Variants in GSK3B observed in about 807,000 individuals in gnomAD.
GSK3B encodes the protein glycogen synthase kinase-3 beta.
Under a neutral mutation model 56.4 loss-of-function variants are expected in GSK3B, and 15 were observed. The observed-to-expected ratio is 0.27, with a 90% CI of 0.18 to 0.41. The LOEUF is 0.41. GSK3B is among the 10% of genes least tolerant of loss of function. The probability of loss-of-function intolerance (pLI) is 1.00; values close to 1 mark genes in which losing one functional copy is unlikely to be tolerated. For missense variants in GSK3B, 300 were observed against 513.4 expected, an observed-to-expected ratio of 0.58 and a Z score of 4.02; for synonymous variants, 181 against 188.9, an observed-to-expected ratio of 0.96 and a Z score of 0.34.
chr3:119,989,767 C>T (rs1399231943), intron 2 of GSK3B, among the ~76,000 whole-genome samples: 2 of 152,070 alleles, frequency 1.3e-5, no homozygotes, highest in Non-Finnish European at 2.9e-5. Flanking sequence ...TAATAATATG[C>T]CTGGGACTAA....
intron 2 of GSK3B, among the ~76,000 whole-genome samples, chr3:119,951,832 C>T (rs1245929339): frequency 6.6e-6 from 1 of 151,264 alleles, no homozygotes; most frequent in Non-Finnish European, 1.5e-5. Context: ...GACAATTGCA[C>T]AACACAGAGA....
At chr3:120,082,376 T>C (rs1375996419) in intron 1 of GSK3B, among the ~76,000 whole-genome samples, 8 of 146,580 alleles carry the variant, frequency 5.5e-5, no homozygotes, top group Non-Finnish European at 8.9e-5. Context: ...TAGCCCAAAT[T>C]AGTATGTTCT....
chr3:119,842,262 C>T (rs1427152937), intron 10 of GSK3B, among the ~76,000 whole-genome samples: 3 of 152,100 alleles, frequency 2.0e-5, no homozygotes, highest in Non-Finnish European at 4.4e-5. Context: ...AAATCAGGCC[C>T]CACCATTAGC....
At chr3:120,031,606 A>C (rs911115683) in intron 1 of GSK3B, among the ~76,000 whole-genome samples, 2 of 152,218 alleles carry the variant, frequency 1.3e-5, no homozygotes, top group African/African-American at 4.8e-5. Flanking sequence ...GAAAACACTT[A>C]ACAACAAGCA....
At chr3:119,930,251 A>G (rs2056932801) in intron 3 of GSK3B, among the ~76,000 whole-genome samples, 1 of 152,196 alleles carries the variant, frequency 6.6e-6, no homozygotes, top group African/African-American at 2.4e-5. Flanking sequence ...CCTTGTCTCA[A>G]TATTTTTATA....
At chr3:119,882,717 T>C (rs1379979591) in intron 7 of GSK3B, among the ~76,000 whole-genome samples, 4 of 152,212 alleles carry the variant, frequency 2.6e-5, no homozygotes, top group Non-Finnish European at 5.9e-5. Flanking sequence ...CTTTGATGAA[T>C]AGTGATGATA....
intron 8 of GSK3B, among the ~76,000 whole-genome samples, chr3:119,870,604 T>C (rs1325056778): frequency 6.6e-6 from 1 of 151,994 alleles, no homozygotes; most frequent in Non-Finnish European, 1.5e-5. Flanking sequence ...CAAATAAAAA[T>C]ATATAGCCAG....
At chr3:119,912,965 C>G (rs1316729981) in intron 5 of GSK3B, among the ~76,000 whole-genome samples, 155 bp from the exon 6 acceptor site, 1 of 152,080 alleles carries the variant, frequency 6.6e-6, no homozygotes, top group African/African-American at 2.4e-5. Context: ...GTAACTATCT[C>G]TAATAAAAGA....
intron 1 of GSK3B, among the ~76,000 whole-genome samples, chr3:120,009,759 A>G (rs1388959990): frequency 6.6e-6 from 1 of 152,104 alleles, no homozygotes; most frequent in African/African-American, 2.4e-5. Flanking sequence ...TGATGGGTGC[A>G]GCAAACCACC....
At chr3:119,954,232 TAGAATAGA>T (rs2057187445) in intron 2 of GSK3B, among the ~76,000 whole-genome samples, 1 of 29,264 alleles carries the variant, frequency 3.4e-5, no homozygotes, top group Non-Finnish European at 8.0e-5. Flanking sequence ...GAGAATAGAA[TAGAATAGA>T]ATAGAATAGA....
chr3:120,040,850 G>T (rs1005686291), intron 1 of GSK3B, among the ~76,000 whole-genome samples: 1 of 151,528 alleles, frequency 6.6e-6, no homozygotes, highest in Non-Finnish European at 1.5e-5. Context: ...TGCCATCCTA[G>T]ATCCTGCTTC....
intron 9 of GSK3B, among the ~76,000 whole-genome samples, chr3:119,857,891 A>T (rs932321416): frequency 8.5e-5 from 13 of 152,244 alleles, no homozygotes; most frequent in Admixed American, 8.5e-4. Flanking sequence ...CTGTGTCAGT[A>T]GGCATGAAAA....
At chr3:119,880,899 C>A (rs1224008387) in intron 7 of GSK3B, among the ~76,000 whole-genome samples, 1 of 152,084 alleles carries the variant, frequency 6.6e-6, no homozygotes, top group Admixed American at 6.6e-5. Flanking sequence ...GAGCTGAAAA[C>A]AAACAACAGC....
intron 2 of GSK3B, among the ~76,000 whole-genome samples, chr3:119,978,240 C>A (rs1031725718): frequency 6.6e-6 from 1 of 152,094 alleles, no homozygotes; most frequent in African/African-American, 2.4e-5. Context: ...AAATAAACCC[C>A]TCTCTGGGCC....
At chr3:119,988,773 G>A (rs1477955870) in intron 2 of GSK3B, among the ~76,000 whole-genome samples, 2 of 152,120 alleles carry the variant, frequency 1.3e-5, no homozygotes, top group Non-Finnish European at 2.9e-5. Context: ...TCCTTCTACA[G>A]AACAAAGTTC....
At chr3:120,028,838 A>G in intron 1 of GSK3B, 1 of 437,294 alleles carries the variant, frequency 2.3e-6, no homozygotes, top group Non-Finnish European at 4.3e-6. Flanking sequence ...CTGAGGCCCT[A>G]GCCCCGCCAC....
At chr3:119,981,957 C>G (rs1045657861) in intron 2 of GSK3B, among the ~76,000 whole-genome samples, 3 of 152,204 alleles carry the variant, frequency 2.0e-5, no homozygotes, top group East Asian at 1.9e-4. Context: ...CAACAGACAC[C>G]TCATATAGGC....
At chr3:120,004,838 GA>G (rs2057711656) in intron 1 of GSK3B, among the ~76,000 whole-genome samples, 1 of 151,898 alleles carries the variant, frequency 6.6e-6, no homozygotes, top group African/African-American at 2.4e-5. Flanking sequence ...CAGAAAGGTT[GA>G]AAATTCCAAA....
Position 119,847,615 on chromosome 3 carries a change from TA to T in GSK3B, c.1097-4263del, listed in dbSNP as rs1577313005. Reference sequence around the variant, plus strand: ...GAAAAAGCCCACAGAAGTACTGTGATATATAACAAAGGCATTATCTACTAAA... The same window carrying T: ...GAAAAAGCCCACAGAAGTACTGTGATTATAACAAAGGCATTATCTACTAAA... On this transcript the variant is annotated intron_variant, in intron 9 of 10. Coordinates refer to ENST00000264235, the MANE Select transcript of GSK3B (RefSeq NM_001146156.2). Among the ~76,000 whole-genome samples the T allele has an allele frequency of 2.0e-5, 3 of 152,326 alleles. No individual in the cohort carries two copies. In the East Asian group the frequency reaches 5.8e-4, roughly 29 times the overall value.
Sources: allele counts gnomAD v4.1 joint callset (sites outside exome capture counted in the v4.1 genomes callset), GRCh38; gene constraint gnomAD v4.1.1; transcripts MANE v1.5; gene names NCBI Gene and HGNC (gene_info 2026-07-23, HGNC 2026-07-21).